The following GRAMD4 variants were observed in gnomAD, a reference collection of about 807,000 sequenced individuals.
GRAMD4 encodes GRAM domain containing 4.
In GRAMD4, 25 loss-of-function variants were observed where a neutral mutation model predicts 83.9. That is an observed-to-expected ratio of 0.30 (90% CI 0.22 to 0.42). The LOEUF is 0.42. GRAMD4 is among the 10% of genes least tolerant of loss of function. The pLI is 1.00. For missense variants in GRAMD4, 593 were observed against 788.7 expected, an observed-to-expected ratio of 0.75 and a Z score of 2.97; for synonymous variants, 336 against 320.9, an observed-to-expected ratio of 1.05 and a Z score of -0.50.
chr22:46,619,709 G>A (rs568859334), upstream of GRAMD4, among the ~76,000 whole-genome samples: 1 of 152,292 alleles, frequency 6.6e-6, no homozygotes, highest in Admixed American at 6.5e-5. Context: ...CTCTTCAGCT[G>A]CCCAGGTTGG....
chr22:46,623,688 GC>G (rs1405570107), intron 1 of GRAMD4, among the ~76,000 whole-genome samples: 1 of 152,038 alleles, frequency 6.6e-6, no homozygotes, highest in African/African-American at 2.4e-5. Context: ...GAGCCACCAT[GC>G]CCGGCCTAGT....
chr22:46,653,125 C>T (rs537640731), intron 3 of GRAMD4, among the ~76,000 whole-genome samples: 137 of 152,314 alleles, frequency 9.0e-4, no homozygotes, highest in African/African-American at 1.8e-3. Context: ...CCATCAGGAA[C>T]GACACTGGGC....
intron 1 of GRAMD4, among the ~76,000 whole-genome samples, chr22:46,609,005 G>C (rs901347418): frequency 6.6e-6 from 1 of 152,086 alleles, no homozygotes; most frequent in Non-Finnish European, 1.5e-5. Context: ...GCACGTGCCT[G>C]CAGTACCACC....
rs2082418777 is a variant in GRAMD4 at position 46,666,940 on chromosome 22, G to A, written c.858+67G>A. 9 of 1,164,396 alleles carry A rather than the reference G, an allele frequency of 7.7e-6. No individual in the cohort carries two copies. The Middle Eastern group carries it at 6.3e-4, about 82-fold the overall frequency. The allele number at this position is 1,164,396 out of a possible 1,614,324, so 72.1% of individuals were successfully genotyped here. A position where few individuals can be genotyped will look rare whatever the true frequency, so the allele number is the denominator to read the frequency against. ...ATCACGTCAGGCCTCACAGCCTGTAGGCACCGCTCGGGGAAGCCTCTGGAT... is the reference window on the plus strand; with the variant it reads ...ATCACGTCAGGCCTCACAGCCTGTAAGCACCGCTCGGGGAAGCCTCTGGAT... On this transcript the variant is annotated intron_variant, in intron 10 of 18. Coordinates refer to ENST00000406902, the MANE Select transcript of GRAMD4 (RefSeq NM_015124.5).
chr22:46,673,580 G>C (rs9616093), intron 14 of GRAMD4, 90 bp from the exon 15 acceptor site: 2 of 1,481,720 alleles, frequency 1.3e-6, no homozygotes, highest in East Asian at 4.6e-5. Flanking sequence ...TTGGATCCCA[G>C]CTTTTGGGGA....
At chr22:46,644,800 C>G (rs745679936) in intron 3 of GRAMD4, among the ~76,000 whole-genome samples, 1 of 146,328 alleles carries the variant, frequency 6.8e-6, no homozygotes, top group Non-Finnish European at 1.5e-5. Flanking sequence ...TAGCACAATC[C>G]TGGCTCACTG....
Position 46,678,945 on chromosome 22 carries a change from G to A in GRAMD4, c.*1694G>A, listed in dbSNP as rs1034279225. The A allele has an allele frequency of 9.9e-5, 98 of 985,686 alleles. No homozygotes were observed. The highest frequency in any genetic ancestry group is 1.1e-4 in the Non-Finnish European group (93 of 830,002). 61.1% of individuals were successfully genotyped at this position (985,686 alleles called of 1,614,324 possible). A position where few individuals can be genotyped will look rare whatever the true frequency, so the allele number is the denominator to read the frequency against. On this transcript the variant is annotated 3_prime_UTR_variant, in exon 19 of 19. Transcript: ENST00000406902. ...GTTGGCGTCAGGATGACCACACGGC[G>A]GCCTTTCCCGAATGGGGACAGAACC...
chr22:46,675,677 G>T, intron 17 of GRAMD4, 125 bp downstream of exon 17: 1 of 694,366 alleles, frequency 1.4e-6, no homozygotes. Context: ...GGCCACGCTG[G>T]CCGGCCATGG....
chr22:46,668,580 G>T, intron 11 of GRAMD4, 109 bp from the exon 12 acceptor site: 1 of 999,218 alleles, frequency 1.0e-6, no homozygotes, highest in South Asian at 1.3e-5. Context: ...GGACCACAGG[G>T]CTCCGAGTGA....
At chr22:46,579,432 A>G (rs1234033276) in intron 1 of GRAMD4, among the ~76,000 whole-genome samples, 1 of 152,220 alleles carries the variant, frequency 6.6e-6, no homozygotes, top group African/African-American at 2.4e-5. Flanking sequence ...AGGCTCAATG[A>G]AAAGAAAGTG....
chr22:46,654,738 C>G (rs1159723023), intron 3 of GRAMD4, among the ~76,000 whole-genome samples: 7 of 152,352 alleles, frequency 4.6e-5, no homozygotes, highest in Non-Finnish European at 4.4e-5. Context: ...CAACCACTCT[C>G]CCTTCCCCAC....
chr22:46,632,364 C>T (rs985500611), intron 2 of GRAMD4, among the ~76,000 whole-genome samples: 3 of 152,214 alleles, frequency 2.0e-5, no homozygotes, highest in Admixed American at 6.5e-5. Flanking sequence ...CCCCAGAAGA[C>T]CCACGCCCCA....
chr22:46,623,767 C>CT (rs970559985), intron 1 of GRAMD4, among the ~76,000 whole-genome samples: 7 of 149,900 alleles, frequency 4.7e-5, no homozygotes, highest in African/African-American at 1.5e-4. Context: ...GCTACATTGA[C>CT]TACATTGTCA....
intron 3 of GRAMD4, among the ~76,000 whole-genome samples, chr22:46,652,575 T>C (rs1436006485): frequency 6.6e-6 from 1 of 152,168 alleles, no homozygotes; most frequent in Non-Finnish European, 1.5e-5. Context: ...ACCCCCACCC[T>C]GCAGGACACC....
Position 46,664,030 on chromosome 22 carries a change from C to T in GRAMD4, c.630C>T (p.Arg210=), listed in dbSNP as rs202227527. The part of the protein sequence containing the change: ...RLTENMRRLK[R]GAKPVTNFVK... ...TGTGGTCTGCTCTGTCCCCAGAGCG[C>T]GGTGCCAAGCCGGTCACTAACTTTG... The change falls in exon 8 of 19, where the codon CGC becomes CGT. Residue 210 remains arginine, a synonymous_variant. Coordinates refer to ENST00000406902, the MANE Select transcript of GRAMD4 (RefSeq NM_015124.5). 5.1e-5 allele frequency: 82 copies of T among 1,612,332 alleles called. 1 individual carries two copies. The highest frequency in any genetic ancestry group is 4.7e-4 in the South Asian group (43 of 91,058).
chr22:46,635,807 G>A (rs1180626306), intron 2 of GRAMD4, among the ~76,000 whole-genome samples: 1 of 33,740 alleles, frequency 3.0e-5, no homozygotes, highest in African/African-American at 1.6e-4. Context: ...CCACCCCCCC[G>A]GCCACTGGAT....
At chr22:46,647,755 C>T (rs2147272053) in intron 3 of GRAMD4, among the ~76,000 whole-genome samples, 1 of 152,372 alleles carries the variant, frequency 6.6e-6, no homozygotes, top group Non-Finnish European at 1.5e-5. Context: ...GCCTCACAGC[C>T]AAGGTCCTGC....
intron 1 of GRAMD4, among the ~76,000 whole-genome samples, chr22:46,609,409 G>A (rs1480361893): frequency 6.6e-6 from 1 of 152,224 alleles, no homozygotes; most frequent in Non-Finnish European, 1.5e-5. Context: ...AGGCCTGGCG[G>A]AGCCCTTTGA....
downstream of GRAMD4, among the ~76,000 whole-genome samples, chr22:46,680,954 C>T (rs2146528394): frequency 7.1e-6 from 1 of 141,236 alleles, no homozygotes; most frequent in Non-Finnish European, 1.5e-5. Context: ...ACCCACCCAG[C>T]CAGCCAAGTC....
Sources: allele counts gnomAD v4.1 joint callset (sites outside exome capture counted in the v4.1 genomes callset), GRCh38; gene constraint gnomAD v4.1.1; transcripts MANE v1.5; gene names NCBI Gene and HGNC (gene_info 2026-07-23, HGNC 2026-07-21).